Variants in PRKD3 observed in about 807,000 individuals in gnomAD.
PRKD3 encodes the protein serine/threonine-protein kinase D3.
In PRKD3, 47 loss-of-function variants were observed where a neutral mutation model predicts 99.2. That is an observed-to-expected ratio of 0.47 (90% CI 0.38 to 0.60). The LOEUF is 0.60. Ranked by LOEUF, PRKD3 falls within the 20% of genes least tolerant of loss-of-function variation. The probability of loss-of-function intolerance (pLI) is 0.00; values close to 1 mark genes in which losing one functional copy is unlikely to be tolerated. For missense variants in PRKD3, 1,019 were observed against 1,088.4 expected, an observed-to-expected ratio of 0.94 and a Z score of 0.90; for synonymous variants, 392 against 355.4, an observed-to-expected ratio of 1.10 and a Z score of -1.16.
chr2:37,290,335 C>T (rs192044323), intron 4 of PRKD3, among the ~76,000 whole-genome samples: 6 of 152,184 alleles, frequency 3.9e-5, no homozygotes, highest in Non-Finnish European at 8.8e-5. Context: ...CAGGTTCAAG[C>T]GATTCTCCTG....
chr2:37,254,080 C>G, intron 18 of PRKD3, 124 bp downstream of exon 18: 1 of 698,746 alleles, frequency 1.4e-6, no homozygotes, highest in East Asian at 2.7e-5. Flanking sequence ...AGCCATAGTA[C>G]AAATTAATCA....
intron 1 of PRKD3, chr2:37,317,691 T>G (rs1671725110): frequency 6.6e-6 from 1 of 152,172 alleles, no homozygotes; most frequent in Non-Finnish European, 1.5e-5. Flanking sequence ...TTCAGAAGGC[T>G]AAGGAAGCAG....
intron 14 of PRKD3, among the ~76,000 whole-genome samples, chr2:37,261,720 C>T (rs184454734): frequency 1.2e-3 from 189 of 152,258 alleles, no homozygotes; most frequent in Non-Finnish European, 1.4e-3. Flanking sequence ...GCAGAGGTTG[C>T]GGTGAGCTGA....
At chr2:37,306,344 T>G (rs1439624614) in intron 2 of PRKD3, among the ~76,000 whole-genome samples, 1 of 152,232 alleles carries the variant, frequency 6.6e-6, no homozygotes, top group African/African-American at 2.4e-5. Flanking sequence ...TCTTCGGGTT[T>G]AATCAGTAAA....
rs1239596495 is a variant in PRKD3 at position 37,316,661 on chromosome 2, C to T, written c.-137G>A. ...AAACTTCTTTATTTCCTCTGTTAAG[C>T]CACTCATGCCGATACTTTTAAGTTT... On this transcript the variant is annotated 5_prime_UTR_variant, in exon 2 of 19. Coordinates refer to ENST00000234179, the MANE Select transcript of PRKD3 (RefSeq NM_005813.6). 7 of 1,448,062 alleles carry T rather than the reference C, an allele frequency of 4.8e-6. No individual in the cohort carries two copies. In the African/African-American group the frequency reaches 8.6e-5, roughly 18 times the overall value. The allele number at this position is 1,448,062 out of a possible 1,614,324, so 89.7% of individuals were successfully genotyped here.
At chr2:37,319,673 T>C (rs1385107329) in intron 1 of PRKD3, among the ~76,000 whole-genome samples, 1 of 151,880 alleles carries the variant, frequency 6.6e-6, no homozygotes, top group Non-Finnish European at 1.5e-5. Flanking sequence ...CACATCAGCA[T>C]CCGTCTGTAT....
At chr2:37,282,893 C>T (rs1165209161) in intron 6 of PRKD3, among the ~76,000 whole-genome samples, 2 of 152,162 alleles carry the variant, frequency 1.3e-5, no homozygotes, top group Non-Finnish European at 2.9e-5. Context: ...TTCCACATCT[C>T]CCATGAGAGT....
intron 2 of PRKD3, among the ~76,000 whole-genome samples, chr2:37,293,631 G>C (rs1380005719): frequency 6.6e-6 from 1 of 152,180 alleles, no homozygotes; most frequent in East Asian, 1.9e-4. Flanking sequence ...AGGACATGCT[G>C]CTCTAAATAT....
In PRKD3 at chr2:37,316,941, A is replaced by G; in HGVS notation, c.-417T>C. On this transcript the variant is annotated 5_prime_UTR_variant, in exon 2 of 19. Transcript: ENST00000234179. ...GTCAAGGTGAAATCCTCTTCGTTTA[A>G]AAAACAGTAAGTGTTTTGGATTAAT... 1 of 999,804 alleles carries G rather than the reference A, an allele frequency of 1.0e-6. No homozygotes were observed. The highest frequency in any genetic ancestry group is 1.2e-6 in the Non-Finnish European group (1 of 839,010). 61.9% of individuals were successfully genotyped at this position (999,804 alleles called of 1,614,324 possible). A position where few individuals can be genotyped will look rare whatever the true frequency, so the allele number is the denominator to read the frequency against.
rs146638683 is a variant in PRKD3, at chr2:37,290,213, T to C, written c.559+655A>G. 5.3e-5 allele frequency among the ~76,000 whole-genome samples: 8 copies of C among 152,310 alleles called. No individual in the cohort carries two copies. The East Asian group carries it at 1.5e-3, about 29-fold the overall frequency. ...TTCTAATTCAGAACAAATTTGACAA[T>C]TTAGTTGTATGTAAGAGACAACTTT... On this transcript the variant is annotated intron_variant, in intron 4 of 18. Transcript: ENST00000234179.
chr2:37,272,309 TA>T (rs556322630), intron 12 of PRKD3, 70 bp downstream of exon 12: 8 of 1,568,696 alleles, frequency 5.1e-6, no homozygotes, highest in Non-Finnish European at 6.0e-6. Context: ...ATTTCTCTAA[TA>T]AAGATTTTCA....
chr2:37,296,486 CGACA>C (rs1162754824), intron 2 of PRKD3, among the ~76,000 whole-genome samples: 7 of 151,476 alleles, frequency 4.6e-5, no homozygotes, highest in African/African-American at 9.7e-5. Flanking sequence ...CTCATCTATA[CGACA>C]GACAAATTAG....
rs182432121 is a variant in PRKD3, at chr2:37,266,480, C to T, written c.1884+950G>A. Among the ~76,000 whole-genome samples, 368 of 150,962 alleles carry T rather than the reference C, an allele frequency of 2.4e-3. 3 individuals are homozygous for T. The highest frequency in any genetic ancestry group is 8.6e-3 in the African/African-American group (356 of 41,258). On this transcript the variant is annotated intron_variant, in intron 14 of 18. Transcript: ENST00000234179. ...AGCTTAGATTACAGGCATGTGCCAC[C>T]ACACCCGGCTTTTTTTTTTTTTTGA...
intron 2 of PRKD3, among the ~76,000 whole-genome samples, chr2:37,311,388 T>A (rs1671418822): frequency 6.6e-6 from 1 of 152,208 alleles, no homozygotes; most frequent in African/African-American, 2.4e-5. Context: ...AGAGCATAAA[T>A]CACAGGGGCA....
At position 37,316,482 on chromosome 2, in the gene PRKD3, A is replaced by T; in HGVS notation, c.43T>A (p.Leu15Ile). 2 of 1,614,252 alleles carry T rather than the reference A, an allele frequency of 1.2e-6. No homozygotes were observed. The highest frequency in any genetic ancestry group is 8.5e-7 in the Non-Finnish European group (1 of 1,180,032). ...AGCACAGCAGGAATAGCTGTGGGTA[A>T]TACAGACTTCTGGGCTGATGGAGGG... ...NSPPSAQKSV[L>I]PTAIPAVLPA... The change falls in exon 2 of 19, where the codon TTA becomes ATA. Residue 15 changes from leucine to isoleucine, a missense_variant. This residue lies in a region of PRKD3 where 710 missense variants were observed against 692.7 expected (regional missense o/e 1.02). Coordinates refer to ENST00000234179, the MANE Select transcript of PRKD3 (RefSeq NM_005813.6).
At chr2:37,280,841 A>G (rs2148554389) in intron 7 of PRKD3, among the ~76,000 whole-genome samples, 1 of 152,240 alleles carries the variant, frequency 6.6e-6, no homozygotes, top group Non-Finnish European at 1.5e-5. Context: ...ATGGGAGAAA[A>G]TATAAGCAAA....
intron 7 of PRKD3, chr2:37,282,167 T>A (rs1328558546): frequency 1.2e-5 from 2 of 161,930 alleles, no homozygotes; most frequent in African/African-American, 4.8e-5. Context: ...TAGGTTGAAA[T>A]GTCAATATAT....
chr2:37,280,025 T>A, intron 7 of PRKD3, 96 bp from the exon 8 acceptor site: 1 of 784,452 alleles, frequency 1.3e-6, no homozygotes, highest in Non-Finnish European at 2.0e-6. Context: ...TGTAAGAAAA[T>A]ATCTTTATGA....
intron 1 of PRKD3, among the ~76,000 whole-genome samples, chr2:37,319,061 A>G (rs1671773305): frequency 6.6e-6 from 1 of 152,174 alleles, no homozygotes; most frequent in Non-Finnish European, 1.5e-5. Context: ...AGCTCTTACT[A>G]TCTGTCAGAT....
Sources: gnomAD v4.1 joint callset for allele counts (sites outside exome capture counted in the v4.1 genomes callset) on GRCh38, gnomAD v4.1.1 for gene constraint, gnomAD v4.1.1 regional missense constraint, MANE v1.5 for transcripts, NCBI Gene and HGNC (gene_info 2026-07-23, HGNC 2026-07-21) for gene names.